PEX14: variants seen among roughly 807,000 people sequenced by gnomAD.
PEX14 encodes the protein peroxisomal membrane protein PEX14.
Under a neutral mutation model 49.5 loss-of-function variants are expected in PEX14, and 15 were observed. The observed-to-expected ratio is 0.30, with a 90% confidence interval of 0.20 to 0.47. The LOEUF (loss-of-function observed/expected upper bound fraction) is 0.47, where lower values mean the gene tolerates loss of function less well. PEX14 is among the 20% of genes least tolerant of loss of function. The probability of loss-of-function intolerance (pLI) is 1.00; values close to 1 mark genes in which losing one functional copy is unlikely to be tolerated. For synonymous variants in PEX14, 210 were observed against 212.7 expected (o/e 0.99, Z 0.11); for missense variants, 398 against 494.8 (o/e 0.80, Z 1.86).
intron 7 of PEX14, among the ~76,000 whole-genome samples, chr1:10,625,628 A>G (rs904677127): frequency 1.3e-5 from 2 of 152,242 alleles, no homozygotes; most frequent in African/African-American, 4.8e-5. Context: ...AGCCACTGCA[A>G]TGCGTGTTCT....
At chr1:10,481,470 C>G (rs1641282630) in intron 1 of PEX14, among the ~76,000 whole-genome samples, 2 of 152,034 alleles carry the variant, frequency 1.3e-5, no homozygotes, top group South Asian at 4.1e-4. Context: ...GAGACAGGGT[C>G]TTACTCTGTC....
At chr1:10,479,298 G>A (rs1265306905) in intron 1 of PEX14, among the ~76,000 whole-genome samples, 1 of 152,100 alleles carries the variant, frequency 6.6e-6, no homozygotes, top group Non-Finnish European at 1.5e-5. Context: ...CATCACTTGG[G>A]CCTGGGAGGT....
At chr1:10,525,326 A>G (rs1268438589) in intron 2 of PEX14, among the ~76,000 whole-genome samples, 1 of 152,216 alleles carries the variant, frequency 6.6e-6, no homozygotes, top group Non-Finnish European at 1.5e-5. Context: ...TGTGTAAAAA[A>G]AAAAAAAGAC....
chr1:10,628,854 C>T lies in PEX14; in HGVS notation c.678-677C>T, dbSNP rs970045262. Among the ~76,000 whole-genome samples the T allele has an allele frequency of 2.6e-5, 4 of 152,186 alleles. No homozygotes were observed. The highest frequency in any genetic ancestry group is 7.2e-5 in the African/African-American group (3 of 41,442). ...CTGTTGGAGAGCTCTGTCTCTGAGC[C>T]GTTGCCAAGTGGACCTGACCTCCCA... On this transcript the variant is annotated intron_variant, in intron 8 of 8. Transcript: ENST00000356607. The surrounding 1 kb of genome is among the most constrained non-coding windows in gnomAD (Gnocchi z 4.5).
chr1:10,504,364 C>G (rs1641741572), intron 2 of PEX14, among the ~76,000 whole-genome samples: 1 of 152,216 alleles, frequency 6.6e-6, no homozygotes, highest in South Asian at 2.1e-4. Flanking sequence ...TCCAGGGGCA[C>G]TCCTTGACAG....
At chr1:10,490,955 C>G (rs565047992) in intron 1 of PEX14, among the ~76,000 whole-genome samples, 2 of 150,984 alleles carry the variant, frequency 1.3e-5, no homozygotes, top group South Asian at 4.2e-4. Context: ...CCTCCCACAT[C>G]GGCCTCCCAA....
intron 3 of PEX14, 147 bp downstream of exon 3, chr1:10,536,444 C>G (rs1283748847): frequency 8.8e-6 from 6 of 680,766 alleles, no homozygotes; most frequent in African/African-American, 1.8e-5. Context: ...GCGAACCCCC[C>G]AGTGGGGCAT....
intron 3 of PEX14, among the ~76,000 whole-genome samples, chr1:10,546,292 G>A (rs1639168516): frequency 6.6e-6 from 1 of 152,146 alleles, no homozygotes; most frequent in East Asian, 1.9e-4. Context: ...TAGGCCGGGT[G>A]CAGTGGCTCA....
At chr1:10,483,602 A>G (rs1034683036) in intron 1 of PEX14, among the ~76,000 whole-genome samples, 1 of 151,872 alleles carries the variant, frequency 6.6e-6, no homozygotes, top group African/African-American at 2.4e-5. Flanking sequence ...GGCGTGAGCC[A>G]CTGCGCCTGG....
intron 3 of PEX14, among the ~76,000 whole-genome samples, chr1:10,542,143 C>G (rs1639035229): frequency 6.6e-6 from 1 of 152,088 alleles, no homozygotes; most frequent in South Asian, 2.1e-4. Flanking sequence ...AAAATTCAAA[C>G]AGTAGAGAAG....
intron 3 of PEX14, among the ~76,000 whole-genome samples, chr1:10,552,976 A>T (rs933780221): frequency 6.6e-6 from 1 of 152,208 alleles, no homozygotes; most frequent in African/African-American, 2.4e-5. Context: ...CAGCTTGGAA[A>T]GGTGGGCAAA....
At chr1:10,533,997 G>A (rs1228003262) in intron 2 of PEX14, among the ~76,000 whole-genome samples, 1 of 152,216 alleles carries the variant, frequency 6.6e-6, no homozygotes, top group Non-Finnish European at 1.5e-5. Flanking sequence ...AAACCTGTGT[G>A]TTCCAGTGGT....
chr1:10,579,050 TTA>T (rs1356675956), intron 3 of PEX14, among the ~76,000 whole-genome samples: 10 of 151,760 alleles, frequency 6.6e-5, no homozygotes, highest in Admixed American at 1.3e-4. Flanking sequence ...CCAATTTTGA[TTA>T]AAGTAACCCC....
chr1:10,476,358 G>C (rs1363067020), intron 1 of PEX14, among the ~76,000 whole-genome samples: 2 of 152,184 alleles, frequency 1.3e-5, no homozygotes, highest in African/African-American at 4.8e-5. Context: ...TTTGGCAAGT[G>C]TCTCGAGAGG....
rs528768248 is a variant in PEX14, at chr1:10,536,388, G to C, written c.169+91G>C. ...CACGGTGCAAGGCAGGTGCTGAGCT[G>C]CCAGGACTTCCTAGAGCTGCCCACT... On this transcript the variant is annotated intron_variant, in intron 3 of 8. Coordinates refer to ENST00000356607, the MANE Select transcript of PEX14 (RefSeq NM_004565.3). 5.9e-6 allele frequency: 5 copies of C among 840,774 alleles called. No individual in the cohort carries two copies. The African/African-American group carries it at 8.3e-5, about 14-fold the overall frequency. 52.1% of individuals were successfully genotyped at this position (840,774 alleles called of 1,614,324 possible). A position where few individuals can be genotyped will look rare whatever the true frequency, so the allele number is the denominator to read the frequency against.
At chr1:10,511,207 C>T (rs1641876891) in intron 2 of PEX14, among the ~76,000 whole-genome samples, 1 of 152,234 alleles carries the variant, frequency 6.6e-6, no homozygotes, top group Non-Finnish European at 1.5e-5. Context: ...CAGCTTTAAA[C>T]TGTAAATGCC....
intron 3 of PEX14, among the ~76,000 whole-genome samples, chr1:10,554,634 T>C (rs1639433771): frequency 6.6e-6 from 1 of 152,172 alleles, no homozygotes; most frequent in African/African-American, 2.4e-5. Flanking sequence ...AGTCCAGATC[T>C]CATGCCTGGG....
intron 2 of PEX14, among the ~76,000 whole-genome samples, chr1:10,517,690 AT>A (rs60778161): frequency 0.45 from 60,408 of 135,500 alleles, 13,603 homozygotes; most frequent in East Asian, 0.56. Flanking sequence ...AGAACCTGTG[AT>A]TTTTTTTTTT....
chr1:10,557,215 A>T (rs9660006), intron 3 of PEX14, among the ~76,000 whole-genome samples: 110,726 of 152,080 alleles, frequency 0.73, 41,431 homozygotes, highest in Non-Finnish European at 0.82. Context: ...TCTTCATTTT[A>T]CACAATTATA....
Sources: gnomAD v4.1 joint callset for allele counts (sites outside exome capture counted in the v4.1 genomes callset) on GRCh38, gnomAD v4.1.1 for gene constraint, Gnocchi (gnomAD v3.1) non-coding constraint, MANE v1.5 for transcripts, NCBI Gene and HGNC (gene_info 2026-07-23, HGNC 2026-07-21) for gene names.